Variants in ZNF534 observed in about 807,000 individuals in gnomAD.
The protein encoded by ZNF534 is zinc finger protein 534, also known as KRAB domain only 3.
Under a neutral mutation model 13.6 loss-of-function variants are expected in ZNF534, and 19 were observed. The ratio of observed to expected loss-of-function variants is 1.40; its 90% CI spans 0.97 to 2.05. The LOEUF is 2.05. Ranked by LOEUF, ZNF534 falls within the 30% of genes most tolerant of loss-of-function variation. ZNF534 has a pLI of 0.00. For missense variants in ZNF534, 782 were observed against 796.3 expected (o/e 0.98, Z 0.22); for synonymous variants, 244 against 273.8 (o/e 0.89, Z 1.07).
chr19:52,435,810 T>A (rs1212535846), intron 4 of ZNF534, among the ~76,000 whole-genome samples: 1 of 152,126 alleles, frequency 6.6e-6, no homozygotes, highest in African/African-American at 2.4e-5. Context: ...CAGCCTCACA[T>A]AATGATTTTT....
At chr19:52,437,045 G>A (rs917790614) in intron 4 of ZNF534, among the ~76,000 whole-genome samples, 2 of 152,038 alleles carry the variant, frequency 1.3e-5, no homozygotes, top group African/African-American at 4.8e-5. Context: ...CTTAGTTGCT[G>A]TAAGGGTGTG....
exon 5 of ZNF534, chr19:52,451,381 G>A (rs1040285294): frequency 4.6e-6 from 4 of 872,790 alleles, no homozygotes; most frequent in Non-Finnish European, 7.5e-6. Flanking sequence ...CACGGCAGAG[G>A]GCCGAGGCCA....
intron 1 of ZNF534, 126 bp from the exon 2 acceptor site, chr19:52,431,282 G>A (rs2059085375): frequency 2.9e-6 from 2 of 691,606 alleles, no homozygotes; most frequent in Non-Finnish European, 4.9e-6. Flanking sequence ...TTTCCTGTGG[G>A]AGATCAACAG....
rs371554146 is a variant in ZNF534, at chr19:52,438,882, C to T, written c.1422C>T (p.Val474=). Residue 474 remains valine (V), a synonymous_variant, in exon 5 of 5, where the codon GTC becomes GTT. Coordinates refer to ENST00000433050, the MANE Select transcript of ZNF534 (RefSeq NM_001143938.3). ...KPYKCNECGK[V]FSQNSNLQRH... ...ACAAATGTAACGAATGTGGCAAGGT[C>T]TTCAGTCAGAATTCAAACCTTCAAC... 1.3e-6 allele frequency: 2 copies of T among 1,596,822 alleles called. No homozygotes were observed. Among genetic ancestry groups the T allele is most frequent in the East Asian group, 2.3e-5 (1 of 44,130 alleles).
At chr19:52,451,323 A>G (rs1220919697) in exon 5 of ZNF534, 2 of 1,148,978 alleles carry the variant, frequency 1.7e-6, no homozygotes, top group Admixed American at 1.9e-5. Context: ...CTCTGCTACC[A>G]TTTCCTTCCG....
downstream of ZNF534, among the ~76,000 whole-genome samples, chr19:52,444,209 C>A (rs1314914725): frequency 6.6e-6 from 1 of 152,128 alleles, no homozygotes; most frequent in African/African-American, 2.4e-5. Flanking sequence ...GTAGTACTCT[C>A]CCCCTTTTCC....
At chr19:52,449,717 AT>A (rs1458328574) in intron 4 of ZNF534, among the ~76,000 whole-genome samples, 2,130 of 152,068 alleles carry the variant, frequency 0.014, 50 homozygotes, top group African/African-American at 0.048. Context: ...CCATTTTTTA[AT>A]TGGCTTTAAA....
exon 5 of ZNF534, chr19:52,451,906 GGGGATCA>G (rs1313414634): frequency 1.8e-6 from 1 of 566,820 alleles, no homozygotes. Flanking sequence ...GACACCAAAA[GGGGATCA>G]GGAGGTTTTG....
rs2059216607 is a variant in ZNF534, at chr19:52,451,521, A to G, written c.*24A>G. On this transcript the variant is annotated 3_prime_UTR_variant, in exon 5 of 5. Transcript: ENST00000301085. ...AAGACACCCGCCGTTTCACCCAGCC[A>G]GCGGGCCCAGCCCGCGGAGGAGGGC... The G allele has an allele frequency of 5.0e-6, 3 of 597,826 alleles. No individual in the cohort carries two copies. In the East Asian group the frequency reaches 8.8e-5, roughly 18 times the overall value. The allele number at this position is 597,826 out of a possible 1,614,324, so 37.0% of individuals were successfully genotyped here.
chr19:52,441,975 C>G lies in ZNF534; in HGVS notation c.*2529C>G, dbSNP rs924651830. 6.6e-6 allele frequency among the ~76,000 whole-genome samples: 1 copy of G among 152,146 alleles called. No individual in the cohort carries two copies. The highest frequency in any genetic ancestry group is 1.9e-4 in the East Asian group (1 of 5,192). ...ATTAATGAACATCAGAGGTTCCATA[C>G]TAAGGAGAAATCATATAAATGTAAT... On this transcript the variant is annotated 3_prime_UTR_variant, in exon 5 of 5. Transcript: ENST00000433050.
At chr19:52,449,862 A>G (rs1186301472) in intron 4 of ZNF534, among the ~76,000 whole-genome samples, 3 of 152,130 alleles carry the variant, frequency 2.0e-5, no homozygotes, top group African/African-American at 7.2e-5. Context: ...TCTACTAAAA[A>G]TACAAAAGTT....
chr19:52,438,028 G>C lies in ZNF534; in HGVS notation c.568G>C (p.Glu190Gln). The part of the protein sequence containing the change: ...HIREKPYGCN[E>Q]HGKVFRVSSS... ...TAGGGAAAAGCCTTATGGATGTAAT[G>C]AGCATGGGAAAGTCTTCAGAGTGTC... is the stretch of plus-strand genomic sequence containing the variant. The change falls in exon 5 of 5, where the codon GAG (glutamate) becomes CAG (glutamine). Residue 190 changes from glutamate (E) to glutamine (Q), a missense_variant. Physicochemically the swap from Glu to Gln is conservative, Grantham distance 29 (BLOSUM62 2). Around this residue, in one of 5 missense-constraint regions of ZNF534, gnomAD observed 591 missense variants for 574.0 expected, o/e 1.03. Transcript: ENST00000433050. 6.2e-7 allele frequency: 1 copy of C among 1,614,130 alleles called. No homozygotes were observed.
downstream of ZNF534, among the ~76,000 whole-genome samples, chr19:52,443,037 T>C (rs2561009): frequency 0.96 from 145,453 of 152,278 alleles, 69,747 homozygotes; most frequent in African/African-American, 0.99. Context: ...TTGTTAGGTA[T>C]TGATTACGTG....
chr19:52,433,772 A>G, intron 2 of ZNF534, 183 bp from the exon 3 acceptor site: 1 of 702,854 alleles, frequency 1.4e-6, no homozygotes, highest in Non-Finnish European at 2.5e-6. Context: ...GAATGTCATC[A>G]CTCCTTATGG....
chr19:52,450,709 T>TTG, intron 4 of ZNF534, among the ~76,000 whole-genome samples: 1 of 125,924 alleles, frequency 7.9e-6, no homozygotes, highest in Non-Finnish European at 1.6e-5. Flanking sequence ...TTTTTTTTTT[T>TTG]AGACAAGGTC....
chr19:52,429,487 A>AT (rs1488706342), intron 1 of ZNF534, among the ~76,000 whole-genome samples: 1 of 143,726 alleles, frequency 7.0e-6, no homozygotes, highest in Non-Finnish European at 1.5e-5. Flanking sequence ...TTTTTTTTTC[A>AT]TTTTTTGTAA....
intron 3 of ZNF534, among the ~76,000 whole-genome samples, chr19:52,434,697 C>G (rs1268733955): frequency 6.8e-6 from 1 of 147,812 alleles, no homozygotes; most frequent in Non-Finnish European, 1.5e-5. Context: ...TGCCACTGCA[C>G]TCAAGCCTGG....
chr19:52,445,354 G>C (rs1319933176), downstream of ZNF534, among the ~76,000 whole-genome samples: 1 of 151,990 alleles, frequency 6.6e-6, no homozygotes, highest in Non-Finnish European at 1.5e-5. Flanking sequence ...ATGCCACCAT[G>C]CCTGGCTAAT....
rs2122703505 is a variant in ZNF534, at chr19:52,439,666, G to A, written c.*220G>A. 6.6e-6 allele frequency among the ~76,000 whole-genome samples: 1 copy of A among 152,162 alleles called. No individual in the cohort carries two copies. Among genetic ancestry groups the A allele is most frequent in the East Asian group, 1.9e-4 (1 of 5,184 alleles). On this transcript the variant is annotated 3_prime_UTR_variant, in exon 5 of 5. Transcript: ENST00000433050. ...CCCAGCTACTCAGGAGGCTGAGGCAGGAGGATGGCATGAACCTGGGAGGCA... is the reference window on the plus strand; with the variant it reads ...CCCAGCTACTCAGGAGGCTGAGGCAAGAGGATGGCATGAACCTGGGAGGCA...
Sources: allele counts gnomAD v4.1 joint callset (sites outside exome capture counted in the v4.1 genomes callset), GRCh38; gene constraint gnomAD v4.1.1; regional missense constraint gnomAD v4.1.1; transcripts MANE v1.5; gene names NCBI Gene and HGNC (gene_info 2026-07-23, HGNC 2026-07-21).